NEB: variants seen among roughly 807,000 people sequenced by gnomAD.
The protein encoded by NEB is nebulin.
Under a neutral mutation model 952.2 loss-of-function variants are expected in NEB, and 512 were observed. The ratio of observed to expected loss-of-function variants is 0.54; its 90% confidence interval spans 0.50 to 0.58. NEB has a LOEUF of 0.58. NEB is among the 20% of genes least tolerant of loss of function. The pLI, the probability that NEB is intolerant of heterozygous loss-of-function variation, is 0.00. For missense variants in NEB, 8,428 were observed against 9,231.1 expected, an observed-to-expected ratio of 0.91 and a Z score of 3.56; for synonymous variants, 2,900 against 3,149.8, an observed-to-expected ratio of 0.92 and a Z score of 2.66.
At chr2:151,722,811 AC>A (rs1056741449) in intron 9 of NEB, among the ~76,000 whole-genome samples, 1 of 152,166 alleles carries the variant, frequency 6.6e-6, no homozygotes, top group African/African-American at 2.4e-5. Flanking sequence ...GGCCTCCCAA[AC>A]TGCTGGGATT....
chr2:151,520,429 TA>T (rs1191065872), intron 153 of NEB, among the ~76,000 whole-genome samples: 20 of 152,120 alleles, frequency 1.3e-4, no homozygotes, highest in Non-Finnish European at 2.5e-4. Context: ...TTAGTATACA[TA>T]AAAATAAGTT....
rs777129630 is a variant in NEB, at chr2:151,612,301, C to T, written c.11690G>A (p.Gly3897Glu). Residue 3897 changes from glycine (G) to glutamate (E), a missense_variant, in exon 78 of 182, where the codon GGA becomes GAA. By Grantham distance (98) the Gly-to-Glu change is moderately conservative. Around this residue, in one of 11 missense-constraint regions of NEB, gnomAD observed 337 missense variants for 297.5 expected, o/e 1.13. Coordinates refer to ENST00000397345, the MANE Select transcript of NEB (RefSeq NM_001164508.2). The part of the protein sequence containing the change: ...SVEVEKVKRA[G>E]EILSDRKYRQ... Reference sequence around the variant, plus strand: ...ATACTTCCTGTCACTCAGGATTTCTCCAGCTCTCTTCACTTTCTCGACCTC... The same window carrying T: ...ATACTTCCTGTCACTCAGGATTTCTTCAGCTCTCTTCACTTTCTCGACCTC... 1 of 1,613,864 alleles carries T rather than the reference C, an allele frequency of 6.2e-7. No homozygotes were observed. The highest frequency in any genetic ancestry group is 1.7e-5 in the Admixed American group (1 of 59,996).
At chr2:151,634,380 A>T (rs1380075825) in intron 64 of NEB, among the ~76,000 whole-genome samples, 1 of 152,184 alleles carries the variant, frequency 6.6e-6, no homozygotes. Flanking sequence ...ACGGTGGCTC[A>T]TGCCTGTAAT....
Position 151,629,550 on chromosome 2 carries a change from C to T in NEB, c.9820G>A (p.Val3274Ile), listed in dbSNP as rs201288341. 7.3e-5 allele frequency: 118 copies of T among 1,612,596 alleles called. No individual in the cohort carries two copies. The African/African-American group carries it at 1.1e-3, about 15-fold the overall frequency. The change falls in exon 68 of 182, where the codon GTT (valine) becomes ATT (isoleucine). Residue 3274 changes from valine (V) to isoleucine (I), a missense_variant. This residue lies in a region of NEB where 1,772 missense variants were observed against 1,960.3 expected (regional missense o/e 0.90). Transcript: ENST00000397345. ...GTGTTGCTACTCACATCACTGATAACGTCCCTGGAGGCCTTGGCAGCCACG... is the reference window on the plus strand; with the variant it reads ...GTGTTGCTACTCACATCACTGATAATGTCCCTGGAGGCCTTGGCAGCCACG... ...PIVAAKASRDVISDYKYKDGY... is the reference protein window; with the variant it reads ...PIVAAKASRDIISDYKYKDGY...
In NEB at chr2:151,633,853, T is replaced by C; in HGVS notation, c.9215A>G (p.Asp3072Gly). Residue 3072 changes from aspartate (D) to glycine (G), a missense_variant, in exon 65 of 182, where the codon GAC becomes GGC. Asp to Gly is a moderately conservative substitution (Grantham distance 94, BLOSUM62 -1). Around this residue, in one of 11 missense-constraint regions of NEB, gnomAD observed 1,772 missense variants for 1,960.3 expected, o/e 0.90. Coordinates refer to ENST00000397345, the MANE Select transcript of NEB (RefSeq NM_001164508.2). ...CTCAAAGTCCTTTTTGTACTCCCTG[T>C]CACTCTGGATCTTGGCTACGTGCAT... ...WSMHVAKIQS[D>G]REYKKDFEKW... is the part of the protein sequence containing the mutation. 4.3e-6 allele frequency: 7 copies of C among 1,614,050 alleles called. No individual in the cohort carries two copies. Among genetic ancestry groups the C allele is most frequent in the Non-Finnish European group, 5.9e-6 (7 of 1,179,894 alleles).
In NEB at chr2:151,619,543, C is replaced by T. The variant is rs1370504314; in HGVS notation, c.10780G>A (p.Val3594Met). Residue 3594 changes from valine (V) to methionine (M), a missense_variant, in exon 73 of 182, where the codon GTG (valine) becomes ATG (methionine). Val to Met is a conservative substitution (Grantham distance 21, BLOSUM62 1). Transcript: ENST00000397345. ...AKKCQTLVSD[V>M]DYKHPLHEWI... ...TCATGCAGAGGATGTTTATAGTCCA[C>T]ATCGCTGACCAAGGTCTGACACTTC... The T allele has an allele frequency of 3.1e-6, 5 of 1,613,822 alleles. No homozygotes were observed. The highest frequency in any genetic ancestry group is 1.1e-5 in the South Asian group (1 of 91,086).
chr2:151,642,569 C>T lies in NEB; in HGVS notation c.8373+5G>A. On this transcript the variant is annotated splice_donor_5th_base_variant and intron_variant, in intron 60 of 181. Transcript: ENST00000397345. ...TAAGGCAAATAACTTTCCAAGTATA[C>T]TTACTTCACTTGCAATATCTCTGGA... is the stretch of plus-strand genomic sequence containing the variant. 2 of 1,604,770 alleles carry T rather than the reference C, an allele frequency of 1.2e-6. No homozygotes were observed. Among genetic ancestry groups the T allele is most frequent in the East Asian group, 2.2e-5 (1 of 44,728 alleles).
chr2:151,498,001 G>A (rs910674725), intron 170 of NEB: 5 of 1,433,984 alleles, frequency 3.5e-6, no homozygotes, highest in Non-Finnish European at 4.5e-6. Flanking sequence ...ATGAGGATTT[G>A]AGACTGTTAG....
At chr2:151,669,917 G>C (rs1484904973) in intron 38 of NEB, among the ~76,000 whole-genome samples, 1 of 152,164 alleles carries the variant, frequency 6.6e-6, no homozygotes, top group East Asian at 1.9e-4. Context: ...GGTGGCATTT[G>C]AGAGCAGACT....
At chr2:151,503,066 G>A in intron 166 of NEB, 181 bp from the exon 167 acceptor site, 2 of 580,644 alleles carry the variant, frequency 3.4e-6, no homozygotes, top group South Asian at 2.3e-5. Context: ...GCTAATTCTG[G>A]AAATGAAAAA....
In NEB at chr2:151,565,219, A is replaced by T. The variant is rs1228405638; in HGVS notation, c.18367-71T>A. ...AATTTTTATAAGATTACCTAGAAAC[A>T]TAATCAGTCCACGTTTAAAGATTAA... On this transcript the variant is annotated intron_variant, in intron 116 of 181. Transcript: ENST00000397345. The T allele has an allele frequency of 4.7e-6, 4 of 847,760 alleles. No individual in the cohort carries two copies. In the Admixed American group the frequency reaches 1.1e-4, roughly 23 times the overall value. The allele number at this position is 847,760 out of a possible 1,614,324, so 52.5% of individuals were successfully genotyped here.
chr2:151,498,390 T>G (rs2061792874), intron 169 of NEB, 38 bp from the exon 170 acceptor site: 1 of 1,428,924 alleles, frequency 7.0e-7, no homozygotes, highest in African/African-American at 1.4e-5. Context: ...AAAAAAGCAA[T>G]CAATCAGTCA....
In NEB at chr2:151,695,659, T is replaced by C. The variant is rs2149300514; in HGVS notation, c.1593A>G (p.Glu531=). 1 of 1,613,744 alleles carries C rather than the reference T, an allele frequency of 6.2e-7. No homozygotes were observed. The highest frequency in any genetic ancestry group is 8.5e-7 in the Non-Finnish European group (1 of 1,179,724). ...GGATATGGCACTTGAACTTTTCACT[T>C]TCATGTTTTGCTTTGTAATTTAACT... ...LSDLNYKAKH[E]SEKFKCHIPP... Residue 531 remains glutamate, a synonymous_variant, in exon 18 of 182, where the codon GAA becomes GAG. Coordinates refer to ENST00000397345, the MANE Select transcript of NEB (RefSeq NM_001164508.2).
intron 174 of NEB, 41 bp downstream of exon 174, chr2:151,494,120 T>A: frequency 6.6e-7 from 1 of 1,519,090 alleles, no homozygotes; most frequent in South Asian, 1.2e-5. Flanking sequence ...GCAAGAGTTA[T>A]TTTGCAAAAT....
chr2:151,549,565 G>C lies in NEB; in HGVS notation c.20049+71C>G, dbSNP rs1376856605. 3.1e-6 allele frequency: 3 copies of C among 962,892 alleles called. No homozygotes were observed. The East Asian group carries it at 7.8e-5, about 25-fold the overall frequency. The allele number at this position is 962,892 out of a possible 1,614,324, so 59.6% of individuals were successfully genotyped here. On this transcript the variant is annotated intron_variant, in intron 130 of 181. Transcript: ENST00000397345. ...AGGGTGAGACTGGAGGATTAGAACAGGCTATTAATTAATATGAGTCTCCTG... is the reference window on the plus strand; with the variant it reads ...AGGGTGAGACTGGAGGATTAGAACACGCTATTAATTAATATGAGTCTCCTG...
intron 124 of NEB, among the ~76,000 whole-genome samples, chr2:151,555,273 C>T (rs1218752404): frequency 2.6e-5 from 4 of 152,154 alleles, no homozygotes; most frequent in Admixed American, 6.6e-5. Context: ...TACTTTTAAA[C>T]CACAGAGCGC....
chr2:151,698,045 G>A (rs1421148336), intron 13 of NEB, among the ~76,000 whole-genome samples: 5 of 150,274 alleles, frequency 3.3e-5, no homozygotes, highest in East Asian at 3.9e-4. Context: ...CAGCCCGGGC[G>A]ACAATGCGAG....
At chr2:151,704,184 TCAGG>T (rs2099691260) in intron 13 of NEB, among the ~76,000 whole-genome samples, 1 of 57,382 alleles carries the variant, frequency 1.7e-5, no homozygotes, top group African/African-American at 6.8e-5. Context: ...GGGTCAGGGG[TCAGG>T]GACCCACTTG....
chr2:151,570,102 C>A lies in NEB; in HGVS notation c.17409G>T (p.Lys5803Asn). The A allele has an allele frequency of 1.2e-6, 2 of 1,610,758 alleles. No individual in the cohort carries two copies. The highest frequency in any genetic ancestry group is 2.2e-5 in the South Asian group (2 of 90,126). Reference protein sequence around the residue: ...PDQNDVIQAKKAYELQSDNVY... With the variant: ...PDQNDVIQAKNAYELQSDNVY... ...TCACATCGCTCTGCAGTTCGTAGGC[C>A]TTCTTGGCCTGAATCACATCGTTCT... is the stretch of plus-strand genomic sequence containing the variant. Residue 5803 changes from lysine to asparagine, a missense_variant, in exon 109 of 182, where the codon AAG becomes AAT. Transcript: ENST00000397345.
Sources: allele counts gnomAD v4.1 joint callset (sites outside exome capture counted in the v4.1 genomes callset), GRCh38; gene constraint gnomAD v4.1.1; regional missense constraint gnomAD v4.1.1; transcripts MANE v1.5; gene names NCBI Gene and HGNC (gene_info 2026-07-23, HGNC 2026-07-21).